The following ANKRD44 variants were observed in gnomAD, a reference collection of about 807,000 sequenced individuals.
ANKRD44 encodes ankyrin repeat domain 44, also known as serine/threonine-protein phosphatase 6 regulatory ankyrin repeat subunit B.
A neutral mutation model predicts 116.0 loss-of-function variants in ANKRD44; 35 were observed. The observed-to-expected ratio is 0.30, with a 90% CI of 0.23 to 0.40. The LOEUF is 0.40. Among genes scored for constraint, ANKRD44 ranks in the 10% least tolerant of loss-of-function variants. The pLI is 1.00. For missense variants in ANKRD44, 1,014 were observed against 1,242.6 expected, an observed-to-expected ratio of 0.82 and a Z score of 2.77; for synonymous variants, 435 against 461.8, an observed-to-expected ratio of 0.94 and a Z score of 0.74.
At chr2:197,068,370 T>TAAAAAAAAGAAAAAAAAAAAAA (rs2077481776) in intron 16 of ANKRD44, among the ~76,000 whole-genome samples, 1 of 70,352 alleles carries the variant, frequency 1.4e-5, no homozygotes, top group East Asian at 4.1e-4. Context: ...ATAAAAAAAA[T>TAAAAAAAAGAAAAAAAAAAAAA]AAAAAAAAGA....
chr2:197,276,571 A>C (rs1457302545), intron 1 of ANKRD44, among the ~76,000 whole-genome samples: 1 of 152,172 alleles, frequency 6.6e-6, no homozygotes, highest in Non-Finnish European at 1.5e-5. Flanking sequence ...TAACTATTTC[A>C]TTAGGTCTTC....
chr2:197,149,145 T>C (rs746082385), intron 2 of ANKRD44, among the ~76,000 whole-genome samples: 1 of 152,248 alleles, frequency 6.6e-6, no homozygotes, highest in Non-Finnish European at 1.5e-5. Flanking sequence ...ATAAAAGCTA[T>C]GTAATTACAT....
At chr2:197,233,131 G>T (rs1052659228) in intron 1 of ANKRD44, among the ~76,000 whole-genome samples, 3 of 152,196 alleles carry the variant, frequency 2.0e-5, no homozygotes, top group African/African-American at 7.2e-5. Flanking sequence ...AAATTGGAGA[G>T]CCTGGCTCCA....
intron 1 of ANKRD44, among the ~76,000 whole-genome samples, chr2:197,284,345 G>C (rs1213282677): frequency 1.3e-5 from 2 of 152,042 alleles, no homozygotes; most frequent in African/African-American, 4.8e-5. Context: ...GGTCCAAGTT[G>C]CCTCACCATG....
At chr2:197,140,544 C>T (rs2079336941) in intron 3 of ANKRD44, among the ~76,000 whole-genome samples, 1 of 152,118 alleles carries the variant, frequency 6.6e-6, no homozygotes, top group South Asian at 2.1e-4. Context: ...TGGTCTCAAA[C>T]TTCTGCCCTC....
intron 1 of ANKRD44, among the ~76,000 whole-genome samples, chr2:197,197,394 C>T (rs1340487787): frequency 6.6e-6 from 1 of 152,220 alleles, no homozygotes; most frequent in Admixed American, 6.5e-5. Flanking sequence ...TCTTTACACA[C>T]TACCCCCTCC....
intron 1 of ANKRD44, among the ~76,000 whole-genome samples, chr2:197,236,631 T>C (rs937586653): frequency 2.1e-4 from 31 of 150,724 alleles, no homozygotes; most frequent in Non-Finnish European, 3.0e-4. Flanking sequence ...TAGAACTAGT[T>C]TCCATTTTCT....
chr2:197,205,541 G>A (rs2081186298), intron 1 of ANKRD44, among the ~76,000 whole-genome samples: 1 of 152,174 alleles, frequency 6.6e-6, no homozygotes, highest in Non-Finnish European at 1.5e-5. Context: ...GCCAGTCACT[G>A]GGAAGATCTT....
chr2:197,096,598 C>T (rs548028424), intron 10 of ANKRD44, among the ~76,000 whole-genome samples: 51 of 152,158 alleles, frequency 3.4e-4, no homozygotes, highest in African/African-American at 1.2e-3. Context: ...CAAATAAATT[C>T]GTAAGAAAGT....
At chr2:197,180,183 T>C (rs2080469711) in intron 2 of ANKRD44, among the ~76,000 whole-genome samples, 1 of 151,978 alleles carries the variant, frequency 6.6e-6, no homozygotes, top group Non-Finnish European at 1.5e-5. Flanking sequence ...ACTTTCCAGA[T>C]GCATGTGGCC....
intron 10 of ANKRD44, among the ~76,000 whole-genome samples, chr2:197,091,337 G>C (rs1040356804): frequency 6.6e-6 from 1 of 152,200 alleles, no homozygotes; most frequent in African/African-American, 2.4e-5. Flanking sequence ...GCAAGGAGTT[G>C]AGAGTGGCAG....
intron 9 of ANKRD44, among the ~76,000 whole-genome samples, chr2:197,110,513 A>T (rs1466704416): frequency 6.6e-6 from 1 of 152,204 alleles, no homozygotes; most frequent in South Asian, 2.1e-4. Context: ...CATCATTTCC[A>T]ATTTCAAAGC....
chr2:197,069,574 A>G (rs2077516548), intron 16 of ANKRD44, among the ~76,000 whole-genome samples: 1 of 152,174 alleles, frequency 6.6e-6, no homozygotes, highest in Non-Finnish European at 1.5e-5. Context: ...CACTCTGCCA[A>G]TACTTCAGTC....
rs75854593 is a variant in ANKRD44 at position 197,289,907 on chromosome 2, C to T, written c.27+20671G>A. Among the ~76,000 whole-genome samples the T allele has an allele frequency of 3.7e-3, 553 of 151,412 alleles. 2 individuals are homozygous for T. Among genetic ancestry groups the T allele is most frequent in the Non-Finnish European group, 5.3e-3 (358 of 67,890 alleles). On this transcript the variant is annotated intron_variant, in intron 1 of 27. Transcript: ENST00000282272. ...TTTTTTTGAGACGGAGTCTCTATCA[C>T]CCAGGCTGAGTGCAGTGGCGTGATC...
At chr2:197,300,603 T>C (rs527844021) in intron 1 of ANKRD44, among the ~76,000 whole-genome samples, 2 of 152,204 alleles carry the variant, frequency 1.3e-5, no homozygotes, top group East Asian at 3.9e-4. Flanking sequence ...GTGAGCTCCA[T>C]GGGGAAAAAG....
At chr2:197,258,252 C>T (rs1464967468) in intron 1 of ANKRD44, among the ~76,000 whole-genome samples, 7 of 150,188 alleles carry the variant, frequency 4.7e-5, no homozygotes, top group Non-Finnish European at 8.9e-5. Flanking sequence ...AGGCATGTGC[C>T]GCCACACTTG....
chr2:197,074,158 T>C (rs1040007462), intron 16 of ANKRD44, among the ~76,000 whole-genome samples: 2 of 152,198 alleles, frequency 1.3e-5, no homozygotes, highest in African/African-American at 2.4e-5. Flanking sequence ...GAGTTCCTCA[T>C]AGGATTTTAT....
intron 2 of ANKRD44, among the ~76,000 whole-genome samples, chr2:197,152,958 T>C (rs1195506790): frequency 1.3e-5 from 2 of 152,142 alleles, no homozygotes; most frequent in East Asian, 3.8e-4. Flanking sequence ...GGCTCATGCA[T>C]GCAATCCCTG....
intron 16 of ANKRD44, among the ~76,000 whole-genome samples, chr2:197,051,608 T>C (rs1265851892): frequency 6.6e-6 from 1 of 152,210 alleles, no homozygotes; most frequent in Admixed American, 6.5e-5. Flanking sequence ...ATGTGCCTTC[T>C]GAATCACTTA....
Sources: allele counts gnomAD v4.1 joint callset (sites outside exome capture counted in the v4.1 genomes callset), GRCh38; gene constraint gnomAD v4.1.1; transcripts MANE v1.5; gene names NCBI Gene and HGNC (gene_info 2026-07-23, HGNC 2026-07-21).